Variants in PLEKHA8 observed in about 807,000 individuals in gnomAD.
PLEKHA8 encodes the protein pleckstrin homology domain-containing family A member 8.
PLEKHA8 carries 36 observed loss-of-function variants against 68.2 expected under a neutral mutation model. The observed-to-expected ratio is 0.53, with a 90% confidence interval of 0.40 to 0.70. The LOEUF (loss-of-function observed/expected upper bound fraction) is 0.70, where lower values mean the gene tolerates loss of function less well. Ranked by LOEUF, PLEKHA8 falls within the 30% of genes least tolerant of loss-of-function variation. PLEKHA8 has a pLI of 0.00. For synonymous variants in PLEKHA8, 211 were observed against 216.1 expected, an observed-to-expected ratio of 0.98 and a Z score of 0.20; for missense variants, 505 against 615.4, an observed-to-expected ratio of 0.82 and a Z score of 1.90.
intron 1 of PLEKHA8, among the ~76,000 whole-genome samples, chr7:30,035,183 T>C (rs935783438): frequency 9.9e-5 from 15 of 152,226 alleles, no homozygotes; most frequent in Non-Finnish European, 2.1e-4. Context: ...GTTTGAACTT[T>C]TGCCCCACTA....
chr7:30,057,067 A>AAATTG (rs1260083155), intron 9 of PLEKHA8, among the ~76,000 whole-genome samples: 2 of 151,810 alleles, frequency 1.3e-5, no homozygotes, highest in Non-Finnish European at 1.5e-5. Context: ...TCTTTTGTAA[A>AAATTG]AATTGAGGTA....
downstream of PLEKHA8, among the ~76,000 whole-genome samples, chr7:30,085,708 G>A (rs985040120): frequency 1.3e-5 from 2 of 152,162 alleles, no homozygotes; most frequent in Non-Finnish European, 2.9e-5. Context: ...AGCTAAGTCC[G>A]TTAGAATTGA....
chr7:30,108,539 C>A (rs1374539381), intron 13 of PLEKHA8, among the ~76,000 whole-genome samples: 3 of 152,012 alleles, frequency 2.0e-5, no homozygotes, highest in Non-Finnish European at 4.4e-5. Flanking sequence ...GATTTTAAAA[C>A]TCCCAATTCA....
intron 9 of PLEKHA8, among the ~76,000 whole-genome samples, chr7:30,056,385 T>TAA (rs1319652276): frequency 7.1e-6 from 1 of 140,652 alleles, no homozygotes; most frequent in African/African-American, 2.6e-5. Context: ...AACATATATA[T>TAA]AATATATATA....
At chr7:30,120,126 A>G (rs1796671312) in intron 13 of PLEKHA8, among the ~76,000 whole-genome samples, 2 of 151,612 alleles carry the variant, frequency 1.3e-5, no homozygotes, top group South Asian at 4.2e-4. Flanking sequence ...ACCTCTTCAT[A>G]CTCAGTAGGA....
At chr7:30,093,668 T>C (rs917609940), downstream of PLEKHA8, among the ~76,000 whole-genome samples, 8 of 152,222 alleles carry the variant, frequency 5.3e-5, no homozygotes, top group African/African-American at 1.7e-4. Flanking sequence ...AGGCAGGGGA[T>C]GTAAATCGCC....
At chr7:30,123,814 G>A (rs1386482097) in intron 13 of PLEKHA8, among the ~76,000 whole-genome samples, 1 of 152,174 alleles carries the variant, frequency 6.6e-6, no homozygotes, top group Non-Finnish European at 1.5e-5. Flanking sequence ...AGCCATGCCT[G>A]AAGTTATCCA....
At chr7:30,062,847 AT>A (rs1375534749) in intron 12 of PLEKHA8, 105 bp downstream of exon 12, 25 of 815,058 alleles carry the variant, frequency 3.1e-5, no homozygotes, top group Non-Finnish European at 4.0e-5. Flanking sequence ...TCAGAATTTG[AT>A]TTTGTTTCTT....
chr7:30,068,924 AT>A (rs1794047190), intron 12 of PLEKHA8, among the ~76,000 whole-genome samples: 1 of 152,094 alleles, frequency 6.6e-6, no homozygotes, highest in South Asian at 2.1e-4. Flanking sequence ...ATATAATTTT[AT>A]TATTTCCAAT....
chr7:30,125,339 C>T (rs1796755170), intron 13 of PLEKHA8, among the ~76,000 whole-genome samples: 1 of 152,158 alleles, frequency 6.6e-6, no homozygotes, highest in Admixed American at 6.5e-5. Flanking sequence ...TATGATTTTT[C>T]AGCTGCGTTT....
chr7:30,063,055 A>G (rs1793560866), intron 12 of PLEKHA8, among the ~76,000 whole-genome samples: 1 of 152,204 alleles, frequency 6.6e-6, no homozygotes, highest in African/African-American at 2.4e-5. Flanking sequence ...AAATCTTCAA[A>G]TATATTATAG....
chr7:30,082,101 C>A lies in PLEKHA8; in HGVS notation c.*3314C>A, dbSNP rs1356133784. ...CTCACAGAATGTTGAGCCTGTGGGC[C>A]CAAGACATTGACTTCGAAGGGTAGT... is the stretch of plus-strand genomic sequence containing the variant. On this transcript the variant is annotated 3_prime_UTR_variant, in exon 14 of 14. Transcript: ENST00000449726. The A allele has an allele frequency of 1.0e-6, 1 of 985,130 alleles. No homozygotes were observed. Among genetic ancestry groups the A allele is most frequent in the Non-Finnish European group, 1.2e-6 (1 of 829,886 alleles). The allele number at this position is 985,130 out of a possible 1,614,324, so 61.0% of individuals were successfully genotyped here. A position where few individuals can be genotyped will look rare whatever the true frequency, so the allele number is the denominator to read the frequency against.
At chr7:30,033,430 A>G (rs1790812178) in intron 1 of PLEKHA8, among the ~76,000 whole-genome samples, 1 of 152,082 alleles carries the variant, frequency 6.6e-6, no homozygotes, top group South Asian at 2.1e-4. Context: ...TTCCCGTAGC[A>G]TAATGTTTTT....
At position 30,032,988 on chromosome 7, in the gene PLEKHA8, T is replaced by C. The variant is rs148606674; in HGVS notation, c.40+4186T>C. ...GGTTTTCATTAAGGATGTGCTATAA[T>C]TTTGTTTCCCCTCAGGTGGAGGAAG... is the stretch of plus-strand genomic sequence containing the variant. On this transcript the variant is annotated intron_variant, in intron 1 of 13. Transcript: ENST00000449726. Among the ~76,000 whole-genome samples the C allele has an allele frequency of 2.3e-3, 355 of 152,328 alleles. 5 individuals carry two copies. The highest frequency in any genetic ancestry group is 0.023 in the East Asian group (118 of 5,184).
chr7:30,037,035 G>A (rs1339368053), intron 1 of PLEKHA8, among the ~76,000 whole-genome samples: 1 of 152,182 alleles, frequency 6.6e-6, no homozygotes, highest in Non-Finnish European at 1.5e-5. Context: ...GGGCTCTAAT[G>A]GGATGAGGTG....
chr7:30,034,568 A>G (rs1157110661), intron 1 of PLEKHA8, among the ~76,000 whole-genome samples: 1 of 152,238 alleles, frequency 6.6e-6, no homozygotes, highest in South Asian at 2.1e-4. Flanking sequence ...AGAAAGGGTT[A>G]TGAAGAAAAT....
intron 13 of PLEKHA8, among the ~76,000 whole-genome samples, chr7:30,109,802 G>A (rs1445002711): frequency 6.6e-6 from 1 of 151,274 alleles, no homozygotes; most frequent in East Asian, 2.0e-4. Flanking sequence ...CTTCCAAGTA[G>A]CTGGGACCAC....
Position 30,028,712 on chromosome 7 carries a change from C to T in PLEKHA8, c.-51C>T. 3.3e-6 allele frequency: 4 copies of T among 1,216,164 alleles called. No homozygotes were observed. Among genetic ancestry groups the T allele is most frequent in the Non-Finnish European group, 4.2e-6 (4 of 961,206 alleles). 75.3% of individuals were successfully genotyped at this position (1,216,164 alleles called of 1,614,324 possible). On this transcript the variant is annotated 5_prime_UTR_variant, in exon 1 of 14. Transcript: ENST00000449726. ...TGCTGGTGCTCCTCGCCTCTTGGGGCCTGGGGCAGTGAGGGGGCCGGCGGG... is the reference window on the plus strand; with the variant it reads ...TGCTGGTGCTCCTCGCCTCTTGGGGTCTGGGGCAGTGAGGGGGCCGGCGGG...
At chr7:30,038,587 G>T (rs1214738862) in intron 1 of PLEKHA8, among the ~76,000 whole-genome samples, 1 of 152,180 alleles carries the variant, frequency 6.6e-6, no homozygotes, top group East Asian at 1.9e-4. Flanking sequence ...GGAATTTTCT[G>T]TATCTTGATT....
Sources: allele counts gnomAD v4.1 joint callset (sites outside exome capture counted in the v4.1 genomes callset), GRCh38; gene constraint gnomAD v4.1.1; transcripts MANE v1.5; gene names NCBI Gene and HGNC (gene_info 2026-07-23, HGNC 2026-07-21).